TAFA2: variants seen among roughly 807,000 people sequenced by gnomAD.
The protein encoded by TAFA2 is TAFA chemokine like family member 2, also known as chemokine-like protein TAFA-2.
A neutral mutation model predicts 18.8 loss-of-function variants in TAFA2; 7 were observed. That is an observed-to-expected ratio of 0.37 (90% confidence interval 0.21 to 0.70). The LOEUF (loss-of-function observed/expected upper bound fraction) is 0.70, where lower values mean the gene tolerates loss of function less well. Among genes scored for constraint, TAFA2 ranks in the 30% least tolerant of loss-of-function variants. The probability of loss-of-function intolerance (pLI) is 0.53; values close to 1 mark genes in which losing one functional copy is unlikely to be tolerated. For missense variants in TAFA2, 122 were observed against 158.1 expected (o/e 0.77, Z 1.23); for synonymous variants, 60 against 54.2 (o/e 1.11, Z -0.47).
At chr12:61,715,138 T>C (rs1007256997) in intron 4 of TAFA2, among the ~76,000 whole-genome samples, 1 of 152,158 alleles carries the variant, frequency 6.6e-6, no homozygotes, top group African/African-American at 2.4e-5. Context: ...AGGTGATACA[T>C]AGGATACCTA....
chr12:61,794,839 G>C (rs1301140690), intron 2 of TAFA2, among the ~76,000 whole-genome samples: 1 of 151,992 alleles, frequency 6.6e-6, no homozygotes, highest in African/African-American at 2.4e-5. Flanking sequence ...ATCTGACAAA[G>C]GGCTAATATC....
chr12:62,079,557 G>A (rs1013038839), intron 1 of TAFA2, among the ~76,000 whole-genome samples: 4 of 151,748 alleles, frequency 2.6e-5, no homozygotes, highest in East Asian at 1.9e-4. Flanking sequence ...CCAGCTACTC[G>A]GGAGACGGAG....
intron 1 of TAFA2, among the ~76,000 whole-genome samples, chr12:61,991,349 G>C (rs1880004625): frequency 6.6e-6 from 1 of 152,166 alleles, no homozygotes; most frequent in Non-Finnish European, 1.5e-5. Context: ...GGGGTTATTA[G>C]AAATAATGAT....
At chr12:62,118,118 C>G (rs548843609) in intron 1 of TAFA2, among the ~76,000 whole-genome samples, 72 of 152,172 alleles carry the variant, frequency 4.7e-4, no homozygotes, top group African/African-American at 1.7e-3. Context: ...AGGCAATAAC[C>G]AAATTTCATC....
At chr12:61,951,775 A>ATT (rs1185553253) in intron 1 of TAFA2, among the ~76,000 whole-genome samples, 1 of 152,068 alleles carries the variant, frequency 6.6e-6, no homozygotes, top group Non-Finnish European at 1.5e-5. Flanking sequence ...ATGTGCCATA[A>ATT]TTTCTTTGGT....
At chr12:61,931,348 G>C (rs947440542) in intron 1 of TAFA2, among the ~76,000 whole-genome samples, 1 of 152,140 alleles carries the variant, frequency 6.6e-6, no homozygotes, top group Non-Finnish European at 1.5e-5. Context: ...AATAATTTTA[G>C]ATGAAAATAT....
Position 61,753,647 on chromosome 12 carries a change from G to A in TAFA2, c.359C>T (p.Ser120Phe), listed in dbSNP as rs1171963687. 4.3e-6 allele frequency: 7 copies of A among 1,612,104 alleles called. No individual in the cohort carries two copies. The highest frequency in any genetic ancestry group is 5.9e-6 in the Non-Finnish European group (7 of 1,178,860). Residue 120 changes from serine (S) to phenylalanine (F), a missense_variant, in exon 4 of 5, where the codon TCT (serine) becomes TTT (phenylalanine). By Grantham distance (155) the Ser-to-Phe change is radical. Coordinates refer to ENST00000416284, the MANE Select transcript of TAFA2 (RefSeq NM_178539.5). Reference protein sequence around the residue: ...LPDRKGWSCSSGNKVKTTRVT... With the variant: ...LPDRKGWSCSFGNKVKTTRVT... Reference sequence around the variant, plus strand: ...CCTAGTTGTTTTGACTTTATTCCCAGAGGAACAGCTCCATCCTTTCCGATC... The same window carrying A: ...CCTAGTTGTTTTGACTTTATTCCCAAAGGAACAGCTCCATCCTTTCCGATC...
intron 1 of TAFA2, among the ~76,000 whole-genome samples, chr12:61,963,085 A>G (rs552786364): frequency 2.0e-5 from 3 of 152,054 alleles, no homozygotes; most frequent in Non-Finnish European, 4.4e-5. Context: ...ATAGTATTCC[A>G]TGGTGTATAT....
At chr12:62,067,693 C>G (rs1481960248) in intron 1 of TAFA2, among the ~76,000 whole-genome samples, 1 of 151,876 alleles carries the variant, frequency 6.6e-6, no homozygotes, top group Non-Finnish European at 1.5e-5. Flanking sequence ...TATGGCAGTA[C>G]CATGCCATTT....
At chr12:62,108,268 G>C (rs188113220) in intron 1 of TAFA2, among the ~76,000 whole-genome samples, 1 of 152,144 alleles carries the variant, frequency 6.6e-6, no homozygotes, top group East Asian at 1.9e-4. Flanking sequence ...CTAGTTTGCT[G>C]AGAATGATGG....
At chr12:61,913,055 AT>A (rs767555865) in intron 1 of TAFA2, among the ~76,000 whole-genome samples, 2 of 152,222 alleles carry the variant, frequency 1.3e-5, no homozygotes, top group Non-Finnish European at 2.9e-5. Flanking sequence ...ATCTAAAGAC[AT>A]CACACTTGAA....
intron 1 of TAFA2, among the ~76,000 whole-genome samples, chr12:62,050,611 T>C (rs1882027817): frequency 6.6e-6 from 1 of 152,148 alleles, no homozygotes; most frequent in African/African-American, 2.4e-5. Flanking sequence ...CACAGCTCCA[T>C]ATTCCCTTGT....
At chr12:61,835,401 G>A (rs1948530158) in intron 2 of TAFA2, among the ~76,000 whole-genome samples, 1 of 151,874 alleles carries the variant, frequency 6.6e-6, no homozygotes, top group African/African-American at 2.4e-5. Flanking sequence ...GATTCAAGGG[G>A]TGCATTTGCA....
intron 1 of TAFA2, among the ~76,000 whole-genome samples, chr12:62,170,237 C>T (rs2062468177): frequency 6.6e-6 from 1 of 152,024 alleles, no homozygotes; most frequent in South Asian, 2.1e-4. Context: ...TGTTGAGGTC[C>T]AGTGTTATCA....
intron 1 of TAFA2, among the ~76,000 whole-genome samples, chr12:61,994,159 C>A (rs181371906): frequency 1.7e-4 from 26 of 152,140 alleles, no homozygotes; most frequent in African/African-American, 4.3e-4. Flanking sequence ...TTCCACCCCC[C>A]ACTTTAACAT....
At chr12:62,145,749 C>T (rs1391611234) in intron 1 of TAFA2, 1 of 152,244 alleles carries the variant, frequency 6.6e-6, no homozygotes, top group Non-Finnish European at 1.5e-5. Flanking sequence ...ACTCCTCACT[C>T]TCTTGGTGAG....
intron 1 of TAFA2, among the ~76,000 whole-genome samples, chr12:62,086,025 T>C (rs1242751107): frequency 6.6e-6 from 1 of 152,120 alleles, no homozygotes; most frequent in East Asian, 1.9e-4. Context: ...TCTGCCATGA[T>C]TGTAAGTTTC....
At chr12:62,031,269 A>G (rs1881450930) in intron 1 of TAFA2, among the ~76,000 whole-genome samples, 1 of 152,102 alleles carries the variant, frequency 6.6e-6, no homozygotes, top group Non-Finnish European at 1.5e-5. Context: ...CTAGTGCAGA[A>G]AGAATATAAA....
rs1422844720 is a variant in TAFA2 at position 61,942,331 on chromosome 12, G to A, written c.-1-74905C>T. Reference sequence around the variant, plus strand: ...TCACCATCATCAAAGACCAAAAGTAGATAAAACCACAAAGATGGGGAAAAA... The same window carrying A: ...TCACCATCATCAAAGACCAAAAGTAAATAAAACCACAAAGATGGGGAAAAA... On this transcript the variant is annotated intron_variant, in intron 1 of 4. Coordinates refer to ENST00000416284, the MANE Select transcript of TAFA2 (RefSeq NM_178539.5). Among the ~76,000 whole-genome samples, 3 of 149,092 alleles carry A rather than the reference G, an allele frequency of 2.0e-5. No homozygotes were observed. The South Asian group carries it at 6.5e-4, about 32-fold the overall frequency.
Sources: gnomAD v4.1 joint callset for allele counts (sites outside exome capture counted in the v4.1 genomes callset) on GRCh38, gnomAD v4.1.1 for gene constraint, MANE v1.5 for transcripts, NCBI Gene and HGNC (gene_info 2026-07-23, HGNC 2026-07-21) for gene names.